Variants in UXS1 observed in about 807,000 individuals in gnomAD.
UXS1 encodes UDP-glucuronate decarboxylase 1.
A neutral mutation model predicts 62.6 loss-of-function variants in UXS1; 33 were observed. The ratio of observed to expected loss-of-function variants is 0.53; its 90% CI spans 0.40 to 0.70. The LOEUF (loss-of-function observed/expected upper bound fraction) is 0.70. Among genes scored for constraint, UXS1 ranks in the 30% least tolerant of loss-of-function variants. The pLI is 0.00. For synonymous variants in UXS1, 213 were observed against 206.8 expected, an observed-to-expected ratio of 1.03 and a Z score of -0.26; for missense variants, 434 against 556.3, an observed-to-expected ratio of 0.78 and a Z score of 2.21.
At chr2:106,116,422 G>A (rs1185143976) in intron 9 of UXS1, among the ~76,000 whole-genome samples, 1 of 152,094 alleles carries the variant, frequency 6.6e-6, no homozygotes, top group Non-Finnish European at 1.5e-5. Flanking sequence ...ACTCGAGATG[G>A]CCATCTTGAC....
chr2:106,153,460 A>C (rs2105024581), intron 5 of UXS1, among the ~76,000 whole-genome samples: 1 of 152,328 alleles, frequency 6.6e-6, no homozygotes, highest in Middle Eastern at 3.4e-3. Flanking sequence ...ACAACAGTTA[A>C]AGCTTCACAC....
At chr2:106,137,169 C>G (rs1383574698) in intron 6 of UXS1, among the ~76,000 whole-genome samples, 1 of 152,090 alleles carries the variant, frequency 6.6e-6, no homozygotes, top group African/African-American at 2.4e-5. Flanking sequence ...GACTGCTGTT[C>G]CCACCCCCAC....
intron 1 of UXS1, among the ~76,000 whole-genome samples, chr2:106,174,727 G>A (rs1279955908): frequency 6.6e-6 from 1 of 152,214 alleles, no homozygotes; most frequent in Admixed American, 6.5e-5. Flanking sequence ...GCTGCTTACT[G>A]AGCACCTACT....
In UXS1 at chr2:106,163,718, A is replaced by G. The variant is rs1384369001; in HGVS notation, c.187-8T>C. 1.4e-6 allele frequency: 2 copies of G among 1,423,560 alleles called. No homozygotes were observed. The highest frequency in any genetic ancestry group is 2.8e-5 in the East Asian group (1 of 35,502). 88.2% of individuals were successfully genotyped at this position (1,423,560 alleles called of 1,614,324 possible). ...TCTTAGTGGTTCAACCATCTAGAAC[A>G]ATAATAACAAAAATCAGTTTTAAAG... is the stretch of plus-strand genomic sequence containing the variant. On this transcript the variant is annotated splice_region_variant and splice_polypyrimidine_tract_variant and intron_variant, in intron 3 of 14. Transcript: ENST00000283148.
chr2:106,137,171 C>A (rs1314171042), intron 6 of UXS1, among the ~76,000 whole-genome samples: 1 of 152,090 alleles, frequency 6.6e-6, no homozygotes. Flanking sequence ...CTGCTGTTCC[C>A]ACCCCCACAA....
At position 106,127,206 on chromosome 2, in the gene UXS1, C is replaced by T. The variant is rs191195643; in HGVS notation, c.578-1527G>A. On this transcript the variant is annotated intron_variant, in intron 7 of 14. Coordinates refer to ENST00000283148, the MANE Select transcript of UXS1 (RefSeq NM_001253875.2). ...TACAAGTAAAGCTGCTATGAACATT[C>T]ACACAGGTTTTCATGTGAACATAAA... Among the ~76,000 whole-genome samples the T allele has an allele frequency of 1.4e-4, 22 of 152,282 alleles. 1 individual carries two copies. The highest frequency in any genetic ancestry group is 5.3e-4 in the African/African-American group (22 of 41,558).
chr2:106,128,912 T>TTTA, intron 7 of UXS1, among the ~76,000 whole-genome samples: 1 of 152,348 alleles, frequency 6.6e-6, no homozygotes, highest in Admixed American at 6.5e-5. Flanking sequence ...TAAATGTTCC[T>TTTA]ATACTTAAAT....
intron 9 of UXS1, among the ~76,000 whole-genome samples, chr2:106,118,952 A>G (rs968162243): frequency 6.6e-6 from 1 of 152,240 alleles, no homozygotes; most frequent in Non-Finnish European, 1.5e-5. Flanking sequence ...AAAATAATGA[A>G]TTAAAAATAT....
At chr2:106,101,230 A>C in intron 11 of UXS1, 112 bp from the exon 12 acceptor site, 2 of 1,102,940 alleles carry the variant, frequency 1.8e-6, no homozygotes, top group Non-Finnish European at 2.6e-6. Flanking sequence ...AGAAAACAAA[A>C]ACCCAAATGG....
chr2:106,148,316 C>T (rs996325031), intron 5 of UXS1, among the ~76,000 whole-genome samples: 1 of 152,194 alleles, frequency 6.6e-6, no homozygotes, highest in African/African-American at 2.4e-5. Flanking sequence ...TTTATCTTCA[C>T]GTTATTGCAT....
chr2:106,194,260 T>C lies in UXS1; in HGVS notation c.-19A>G, dbSNP rs1685132690. On this transcript the variant is annotated 5_prime_UTR_variant, in exon 1 of 15. Coordinates refer to ENST00000283148, the MANE Select transcript of UXS1 (RefSeq NM_001253875.2). ...TCACCATCCCCGGGAGCCGCGCGGGTCCAGGGCCCTACCGCGCGGGGGCCC... is the reference window on the plus strand; with the variant it reads ...TCACCATCCCCGGGAGCCGCGCGGGCCCAGGGCCCTACCGCGCGGGGGCCC... 7.0e-6 allele frequency: 9 copies of C among 1,282,350 alleles called. No individual in the cohort carries two copies. Among genetic ancestry groups the C allele is most frequent in the East Asian group, 4.0e-5 (1 of 25,088 alleles). 79.4% of individuals were successfully genotyped at this position (1,282,350 alleles called of 1,614,324 possible). A position where few individuals can be genotyped will look rare whatever the true frequency, so the allele number is the denominator to read the frequency against.
chr2:106,179,061 T>C (rs553472628), intron 1 of UXS1, among the ~76,000 whole-genome samples: 2 of 152,292 alleles, frequency 1.3e-5, no homozygotes, highest in African/African-American at 4.8e-5. Context: ...AAGCCCTGCA[T>C]GGTCACTGGT....
chr2:106,095,038 A>C (rs1170394382), intron 14 of UXS1, among the ~76,000 whole-genome samples: 1 of 152,226 alleles, frequency 6.6e-6, no homozygotes, highest in Non-Finnish European at 1.5e-5. Context: ...TCAAAAATTT[A>C]TTATAAATTA....
At chr2:106,157,866 A>C (rs1043536029) in intron 5 of UXS1, among the ~76,000 whole-genome samples, 192 bp downstream of exon 5, 1 of 152,186 alleles carries the variant, frequency 6.6e-6, no homozygotes, top group African/African-American at 2.4e-5. Context: ...GTGACTACTA[A>C]TGAGTACAGG....
At chr2:106,140,909 G>C (rs17279736) in intron 6 of UXS1, among the ~76,000 whole-genome samples, 37,703 of 152,074 alleles carry the variant, frequency 0.25, 5,084 homozygotes, top group Non-Finnish European at 0.31. Context: ...TGTTTATACA[G>C]ACGGTGGAAA....
At chr2:106,176,665 C>G (rs1683901011) in intron 1 of UXS1, among the ~76,000 whole-genome samples, 1 of 152,312 alleles carries the variant, frequency 6.6e-6, no homozygotes. Context: ...CTGCAGCCGC[C>G]CTCAGCCTTC....
chr2:106,168,670 T>A (rs996274313), intron 1 of UXS1, among the ~76,000 whole-genome samples: 20 of 152,300 alleles, frequency 1.3e-4, no homozygotes, highest in African/African-American at 4.8e-4. Context: ...CCCTCACCAA[T>A]GTCATGGCCT....
intron 9 of UXS1, among the ~76,000 whole-genome samples, chr2:106,114,378 C>T (rs1186367136): frequency 1.3e-5 from 2 of 152,122 alleles, no homozygotes; most frequent in Admixed American, 6.5e-5. Flanking sequence ...TTTTCTCCAC[C>T]GAACTAATGA....
At chr2:106,186,036 G>T (rs188098687) in intron 1 of UXS1, among the ~76,000 whole-genome samples, 2 of 152,176 alleles carry the variant, frequency 1.3e-5, no homozygotes, top group African/African-American at 2.4e-5. Flanking sequence ...GAAGAAAAAG[G>T]GAGGGAAAGT....
Sources: allele counts gnomAD v4.1 joint callset (sites outside exome capture counted in the v4.1 genomes callset), GRCh38; gene constraint gnomAD v4.1.1; transcripts MANE v1.5; gene names NCBI Gene and HGNC (gene_info 2026-07-23, HGNC 2026-07-21).